SLC68A1: variants seen among roughly 807,000 people sequenced by gnomAD.
SLC68A1 encodes the protein major facilitator superfamily domain containing 13A.
the SLC68A1 span, chr10:102,473,794 T>G: frequency 6.2e-7 from 1 of 1,606,754 alleles, no homozygotes; most frequent in South Asian, 1.1e-5. Flanking sequence ...CCTTCATTCC[T>G]GCCTGCTCTC....
chr10:102,473,690 T>C, the SLC68A1 span: 3 of 1,614,120 alleles, frequency 1.9e-6, no homozygotes, highest in Non-Finnish European at 2.5e-6. Context: ...AGCCTGCTCA[T>C]GTTGTTGGCC....
At chr10:102,472,498 A>G in the SLC68A1 span, among the ~76,000 whole-genome samples, 1 of 152,164 alleles carries the variant, frequency 6.6e-6, no homozygotes, top group African/African-American at 2.4e-5. Context: ...TCCTGGCCTT[A>G]AGTGATCTGC....
chr10:102,469,428 T>C, the SLC68A1 span, among the ~76,000 whole-genome samples: 2 of 152,210 alleles, frequency 1.3e-5, no homozygotes, highest in East Asian at 3.8e-4. Flanking sequence ...TGCTGTTCTG[T>C]GTACTCATAT....
the SLC68A1 span, chr10:102,470,992 C>T: frequency 8.4e-5 from 136 of 1,613,206 alleles, no homozygotes; most frequent in Non-Finnish European, 1.1e-4. Flanking sequence ...CCTCCTTCCG[C>T]GCTTTCTGCG....
the SLC68A1 span, among the ~76,000 whole-genome samples, chr10:102,472,402 A>G: frequency 3.9e-5 from 6 of 152,114 alleles, no homozygotes; most frequent in Non-Finnish European, 7.4e-5. Flanking sequence ...AGCTGGGATT[A>G]TAGGCATGCA....
At chr10:102,472,141 CG>C in the SLC68A1 span, 9 of 401,664 alleles carry the variant, frequency 2.2e-5, no homozygotes, top group Non-Finnish European at 4.0e-5. Flanking sequence ...CCAGCCTGGG[CG>C]GCAGAGAAAG....
At chr10:102,462,752 T>C in the SLC68A1 span, among the ~76,000 whole-genome samples, 9 of 152,238 alleles carry the variant, frequency 5.9e-5, no homozygotes, top group Non-Finnish European at 1.2e-4. Flanking sequence ...CCCTTCCTGA[T>C]GTGGCCCCTT....
At chr10:102,469,320 G>A in the SLC68A1 span, 2 of 938,264 alleles carry the variant, frequency 2.1e-6, no homozygotes, top group Non-Finnish European at 3.3e-6. Context: ...GGCAGTCCAG[G>A]TTGTTCACCA....
At chr10:102,475,977 T>C in the SLC68A1 span, 37 of 1,603,736 alleles carry the variant, frequency 2.3e-5, no homozygotes, top group East Asian at 4.5e-5. Context: ...GATGTTAAGA[T>C]GGTGTGAGAG....
chr10:102,470,563 C>T, the SLC68A1 span: 4 of 1,525,024 alleles, frequency 2.6e-6, no homozygotes, highest in Non-Finnish European at 3.5e-6. Flanking sequence ...TTGTGAGTCC[C>T]ACACCCTGGG....
At chr10:102,465,060 C>T in the SLC68A1 span, among the ~76,000 whole-genome samples, 1 of 152,076 alleles carries the variant, frequency 6.6e-6, no homozygotes, top group Non-Finnish European at 1.5e-5. Flanking sequence ...TGAGACCAGC[C>T]TGACCAATAT....
the SLC68A1 span, chr10:102,474,051 A>G: frequency 2.6e-6 from 4 of 1,540,952 alleles, no homozygotes; most frequent in Non-Finnish European, 3.5e-6. Flanking sequence ...TTAAGGCTCC[A>G]GGGGGCACAG....
At chr10:102,472,913 C>T in the SLC68A1 span, 17 of 1,614,154 alleles carry the variant, frequency 1.1e-5, no homozygotes, top group Non-Finnish European at 1.4e-5. Flanking sequence ...ATCTGTTGTC[C>T]GACCATATCT....
At chr10:102,472,943 C>T in the SLC68A1 span, 1 of 1,613,182 alleles carries the variant, frequency 6.2e-7, no homozygotes, top group African/African-American at 1.3e-5. Flanking sequence ...CGGGCTCCAT[C>T]CTGTTGGGTG....
chr10:102,470,702 G>GC, the SLC68A1 span: 1 of 1,612,548 alleles, frequency 6.2e-7, no homozygotes, highest in African/African-American at 1.3e-5. Flanking sequence ...TGTGGTGCTG[G>GC]CCCGGGTGCA....
chr10:102,470,169 A>G, the SLC68A1 span: 1 of 1,174,572 alleles, frequency 8.5e-7, no homozygotes, highest in Middle Eastern at 2.0e-4. Context: ...GTGGGGAAGG[A>G]AGGGGAGACT....
the SLC68A1 span, chr10:102,471,078 G>A: frequency 6.8e-6 from 11 of 1,613,934 alleles, no homozygotes; most frequent in Admixed American, 1.7e-5. Flanking sequence ...GAGGCGGCCC[G>A]AAAGGACCCA....
At chr10:102,466,627 A>C in the SLC68A1 span, among the ~76,000 whole-genome samples, 2 of 151,678 alleles carry the variant, frequency 1.3e-5, no homozygotes, top group Non-Finnish European at 2.9e-5. Flanking sequence ...GCTGATGGCA[A>C]AGGTCATACC....
the SLC68A1 span, among the ~76,000 whole-genome samples, chr10:102,465,577 G>C: frequency 6.6e-6 from 1 of 152,178 alleles, no homozygotes; most frequent in East Asian, 1.9e-4. Context: ...TCAGGGAGAG[G>C]GAGTGACTGG....
Sources: allele counts gnomAD v4.1 joint callset (sites outside exome capture counted in the v4.1 genomes callset), GRCh38; gene constraint gnomAD v4.1.1; transcripts MANE v1.5; gene names NCBI Gene and HGNC (gene_info 2026-07-23, HGNC 2026-07-21).